The following CPB2 variants were observed in gnomAD, a reference collection of about 807,000 sequenced individuals.
CPB2 encodes carboxypeptidase B-like protein.
Under a neutral mutation model 57.0 loss-of-function variants are expected in CPB2, and 54 were observed. The observed-to-expected ratio is 0.95, with a 90% CI of 0.76 to 1.19. The LOEUF (loss-of-function observed/expected upper bound fraction) is 1.19, where lower values mean the gene tolerates loss of function less well. Among genes scored for constraint, CPB2 ranks in the 50% most tolerant of loss-of-function variants. CPB2 has a pLI of 0.00. For synonymous variants in CPB2, 189 were observed against 178.1 expected (o/e 1.06, Z -0.49); for missense variants, 426 against 512.0 (o/e 0.83, Z 1.62).
chr13:46,095,331 A>G (rs887044519), intron 1 of CPB2, among the ~76,000 whole-genome samples: 2 of 152,166 alleles, frequency 1.3e-5, no homozygotes, highest in Admixed American at 6.5e-5. Context: ...TAAAAAAAAA[A>G]AAATTCATCC....
chr13:46,060,695 T>A (rs2044760155), intron 8 of CPB2, among the ~76,000 whole-genome samples: 1 of 152,176 alleles, frequency 6.6e-6, no homozygotes, highest in African/African-American at 2.4e-5. Context: ...ATGTGGTTAG[T>A]GGCTACTATG....
intron 1 of CPB2, chr13:46,098,373 C>T (rs1176631445): frequency 6.6e-6 from 1 of 152,210 alleles, no homozygotes; most frequent in East Asian, 1.9e-4. Flanking sequence ...ATTTCACTAA[C>T]GTTCCTCTTG....
At chr13:46,095,062 G>C (rs1408214208) in intron 1 of CPB2, 4 of 152,200 alleles carry the variant, frequency 2.6e-5, no homozygotes, top group Non-Finnish European at 5.9e-5. Context: ...GTTGGATGCA[G>C]GGTCACTATC....
intron 6 of CPB2, among the ~76,000 whole-genome samples, chr13:46,069,652 A>G (rs554829521): frequency 1.2e-4 from 19 of 152,210 alleles, no homozygotes; most frequent in Non-Finnish European, 2.4e-4. Flanking sequence ...AGATTCATCT[A>G]TGTTGTAGCA....
chr13:46,055,395 A>G (rs1457701521), intron 10 of CPB2, among the ~76,000 whole-genome samples: 1 of 152,250 alleles, frequency 6.6e-6, no homozygotes, highest in Non-Finnish European at 1.5e-5. Context: ...TGCAAATGGC[A>G]TGCCCTAGAT....
Position 46,054,155 on chromosome 13 carries a change from A to C in CPB2, c.1088-357T>G, listed in dbSNP as rs11574996. On this transcript the variant is annotated intron_variant, in intron 10 of 10. Transcript: ENST00000181383. ...ATCAATAGGAATTATGAATTCTGAT[A>C]ATTTTATGGGCGAAAAATAATATCC... 5.1e-3 allele frequency among the ~76,000 whole-genome samples: 772 copies of C among 152,338 alleles called. 5 individuals are homozygous for C. Among genetic ancestry groups the C allele is most frequent in the South Asian group, 0.021 (101 of 4,826 alleles).
chr13:46,091,936 A>T (rs1027517462), intron 1 of CPB2, among the ~76,000 whole-genome samples: 1 of 152,232 alleles, frequency 6.6e-6, no homozygotes, highest in Admixed American at 6.5e-5. Flanking sequence ...CGGCAATGGC[A>T]TTCTCAGGTT....
At chr13:46,104,904 G>A (rs3742266) in intron 1 of CPB2, 32 bp downstream of exon 1, 279,916 of 1,611,852 alleles carry the variant, frequency 0.17, 35,084 homozygotes, top group East Asian at 0.65. Context: ...GAGGAGAGTG[G>A]CCCACCACAG....
chr13:46,078,747 G>C, intron 5 of CPB2, 53 bp downstream of exon 5: 3 of 1,161,650 alleles, frequency 2.6e-6, no homozygotes, highest in Non-Finnish European at 2.6e-6. Flanking sequence ...CACGACTGGA[G>C]AATTAATCCC....
chr13:46,060,438 G>A (rs1021003124), intron 8 of CPB2, among the ~76,000 whole-genome samples: 1 of 147,168 alleles, frequency 6.8e-6, no homozygotes, highest in African/African-American at 2.6e-5. Context: ...CTCCAGCCTG[G>A]ATGACAGAAC....
Position 46,087,115 on chromosome 13 carries a change from T to C in CPB2, c.150+630A>G, listed in dbSNP as rs1026748406. ...GGAGGGCAGGGCTCCTGCCTGCTCC[T>C]GGCCCCCAAGAGCACAGGGATGTCC... On this transcript the variant is annotated intron_variant, in intron 2 of 10. Coordinates refer to ENST00000181383, the MANE Select transcript of CPB2 (RefSeq NM_001872.5). Among the ~76,000 whole-genome samples the C allele has an allele frequency of 3.3e-5, 5 of 152,088 alleles. No homozygotes were observed. The East Asian group carries it at 7.8e-4, about 24-fold the overall frequency.
Position 46,069,724 on chromosome 13 carries a change from T to C in CPB2, c.592-2307A>G, listed in dbSNP as rs569283352. On this transcript the variant is annotated intron_variant, in intron 6 of 10. Transcript: ENST00000181383. ...TGTTTCATTGCATGAATATGCTGCA[T>C]TTTGTTTTTCTGCTCATAAGTTGAT... is the stretch of plus-strand genomic sequence containing the variant. 4.6e-5 allele frequency among the ~76,000 whole-genome samples: 7 copies of C among 152,332 alleles called. No homozygotes were observed. The East Asian group carries it at 1.2e-3, about 25-fold the overall frequency.
At chr13:46,087,628 A>G (rs953278159) in intron 2 of CPB2, 117 bp downstream of exon 2, 11 of 695,666 alleles carry the variant, frequency 1.6e-5, no homozygotes, top group East Asian at 5.1e-5. Flanking sequence ...AGAGAAGACT[A>G]TGAGAAGAAG....
chr13:46,080,994 AAG>A (rs1180145655), intron 4 of CPB2, among the ~76,000 whole-genome samples: 1 of 150,066 alleles, frequency 6.7e-6, no homozygotes, highest in Non-Finnish European at 1.5e-5. Context: ...AAAAAAAGGA[AAG>A]AAAAGGCATA....
chr13:46,075,233 G>A (rs748813917), intron 5 of CPB2, among the ~76,000 whole-genome samples: 5 of 152,204 alleles, frequency 3.3e-5, no homozygotes, highest in Non-Finnish European at 5.9e-5. Context: ...AATGGCATTG[G>A]CCACTAATCG....
intron 6 of CPB2, among the ~76,000 whole-genome samples, chr13:46,071,026 G>A (rs924066477): frequency 2.0e-5 from 3 of 152,126 alleles, no homozygotes; most frequent in Non-Finnish European, 4.4e-5. Flanking sequence ...AGTTGGAAAG[G>A]GAAAAGCAGC....
intron 1 of CPB2, among the ~76,000 whole-genome samples, chr13:46,090,130 T>C (rs1391205621): frequency 2.0e-5 from 3 of 152,076 alleles, no homozygotes; most frequent in African/African-American, 4.8e-5. Flanking sequence ...GAGAACAAAC[T>C]CTTGCTTCCC....
At chr13:46,093,111 C>T (rs1202546270) in intron 1 of CPB2, among the ~76,000 whole-genome samples, 1 of 152,008 alleles carries the variant, frequency 6.6e-6, no homozygotes, top group Non-Finnish European at 1.5e-5. Context: ...TGGGGTTTCA[C>T]CATGTTGGTC....
intron 5 of CPB2, among the ~76,000 whole-genome samples, chr13:46,077,698 A>G (rs1025814749): frequency 2.1e-5 from 3 of 144,678 alleles, no homozygotes; most frequent in Non-Finnish European, 3.1e-5. Context: ...CAGATGAATG[A>G]TAAAGAAAAT....
Sources: allele counts gnomAD v4.1 joint callset (sites outside exome capture counted in the v4.1 genomes callset), GRCh38; gene constraint gnomAD v4.1.1; transcripts MANE v1.5; gene names NCBI Gene and HGNC (gene_info 2026-07-23, HGNC 2026-07-21).